Variants in ARL13B observed in about 807,000 individuals in gnomAD.
The protein encoded by ARL13B is ARF like GTPase 13B.
A neutral mutation model predicts 56.1 loss-of-function variants in ARL13B; 36 were observed. The ratio of observed to expected loss-of-function variants is 0.64; its 90% CI spans 0.49 to 0.85. ARL13B has a LOEUF of 0.85. Among genes scored for constraint, ARL13B ranks in the 40% least tolerant of loss-of-function variants. The pLI is 0.00. For synonymous variants in ARL13B, 178 were observed against 171.1 expected (o/e 1.04, Z -0.32); for missense variants, 519 against 507.1 (o/e 1.02, Z -0.23).
chr3:94,048,291 G>A (rs527731570), intron 7 of ARL13B: 2 of 152,300 alleles, frequency 1.3e-5, no homozygotes, highest in South Asian at 4.1e-4. Flanking sequence ...AGATTGCAGT[G>A]AGCCAAGATC....
At chr3:94,039,813 C>T in intron 5 of ARL13B, 67 bp from the exon 6 acceptor site, 1 of 1,308,970 alleles carries the variant, frequency 7.6e-7, no homozygotes, top group Non-Finnish European at 1.1e-6. Context: ...ATACCTATTG[C>T]AGTTTTCTTT....
At chr3:93,998,454 T>C (rs2076001932) in intron 2 of ARL13B, among the ~76,000 whole-genome samples, 1 of 152,200 alleles carries the variant, frequency 6.6e-6, no homozygotes, top group African/African-American at 2.4e-5. Flanking sequence ...TTGTCCTTCA[T>C]CCCATATTTA....
chr3:94,046,371 T>G (rs1025472266), intron 7 of ARL13B, among the ~76,000 whole-genome samples: 5 of 142,418 alleles, frequency 3.5e-5, no homozygotes, highest in Admixed American at 2.0e-4. Context: ...AAATATTCCT[T>G]TATATTTATA....
At chr3:94,036,852 T>C in intron 5 of ARL13B, 98 bp downstream of exon 5, 1 of 1,377,122 alleles carries the variant, frequency 7.3e-7, no homozygotes, top group Non-Finnish European at 1.0e-6. Flanking sequence ...GTTTCTTCTT[T>C]CTGTGTGAAG....
chr3:94,046,235 C>A (rs190642519), intron 7 of ARL13B, among the ~76,000 whole-genome samples: 40 of 151,932 alleles, frequency 2.6e-4, no homozygotes, highest in African/African-American at 9.6e-4. Flanking sequence ...AAACATTATC[C>A]CCAAAAGTTT....
chr3:94,045,050 T>C (rs961922693), intron 7 of ARL13B, among the ~76,000 whole-genome samples: 1 of 152,226 alleles, frequency 6.6e-6, no homozygotes, highest in African/African-American at 2.4e-5. Context: ...ATGGTTACTG[T>C]GTCTGTGTAG....
chr3:93,996,060 C>G, intron 2 of ARL13B, 116 bp downstream of exon 2: 1 of 1,004,426 alleles, frequency 1.0e-6, no homozygotes. Context: ...CACTGCATTA[C>G]TTTATATTCT....
intron 3 of ARL13B, among the ~76,000 whole-genome samples, chr3:94,023,866 A>C (rs2076501974): frequency 6.6e-6 from 1 of 152,114 alleles, no homozygotes; most frequent in South Asian, 2.1e-4. Flanking sequence ...TATAGGATCT[A>C]AAATAATGTT....
intron 7 of ARL13B, among the ~76,000 whole-genome samples, chr3:94,048,664 T>A (rs935977157): frequency 2.0e-5 from 3 of 151,990 alleles, no homozygotes; most frequent in Admixed American, 6.6e-5. Context: ...ACAATCACAC[T>A]CACTGCAGCC....
intron 3 of ARL13B, among the ~76,000 whole-genome samples, chr3:94,024,410 T>G (rs2076513467): frequency 6.6e-6 from 1 of 152,198 alleles, no homozygotes; most frequent in South Asian, 2.1e-4. Context: ...CCATAAAAAT[T>G]AAGTCCTATA....
intron 1 of ARL13B, among the ~76,000 whole-genome samples, chr3:93,982,457 G>C (rs1441029660): frequency 1.3e-5 from 2 of 152,042 alleles, no homozygotes; most frequent in Non-Finnish European, 2.9e-5. Context: ...TTTGAAAAAA[G>C]ATTTATTATG....
rs1336544810 is a variant in ARL13B, at chr3:94,053,426, T to C, written c.*163T>C. The C allele has an allele frequency of 1.4e-6, 1 of 735,018 alleles. No homozygotes were observed. The highest frequency in any genetic ancestry group is 1.7e-5 in the African/African-American group (1 of 57,800). The allele number at this position is 735,018 out of a possible 1,614,324, so 45.5% of individuals were successfully genotyped here. ...AAGGACCTGACTTGATAATTACTTATTTGTGTTTTTCATGGTTAAAAAAAT... is the reference window on the plus strand; with the variant it reads ...AAGGACCTGACTTGATAATTACTTACTTGTGTTTTTCATGGTTAAAAAAAT... On this transcript the variant is annotated 3_prime_UTR_variant, in exon 10 of 10. Transcript: ENST00000394222.
At chr3:93,998,000 A>G (rs1341304048) in intron 2 of ARL13B, among the ~76,000 whole-genome samples, 3 of 152,118 alleles carry the variant, frequency 2.0e-5, no homozygotes, top group African/African-American at 7.2e-5. Flanking sequence ...AAAGAAGACA[A>G]TCCGTATACA....
chr3:94,052,668 A>G (rs761568463), intron 9 of ARL13B, among the ~76,000 whole-genome samples: 1 of 152,166 alleles, frequency 6.6e-6, no homozygotes, highest in Non-Finnish European at 1.5e-5. Flanking sequence ...AAGGCTTCAT[A>G]TATGTGGTAA....
chr3:93,986,452 GA>G (rs1454292926), intron 1 of ARL13B, among the ~76,000 whole-genome samples: 1 of 151,988 alleles, frequency 6.6e-6, no homozygotes, highest in African/African-American at 2.4e-5. Context: ...GTCGTATAGT[GA>G]TTTTTTAAAA....
chr3:94,008,652 C>T (rs1386832480), intron 3 of ARL13B, among the ~76,000 whole-genome samples: 2 of 152,086 alleles, frequency 1.3e-5, no homozygotes, highest in African/African-American at 2.4e-5. Flanking sequence ...CACCCCCTCT[C>T]GCTAGTACCC....
intron 3 of ARL13B, chr3:94,014,978 T>C (rs765056059): frequency 1.2e-6 from 2 of 1,614,032 alleles, no homozygotes; most frequent in Non-Finnish European, 1.7e-6. Context: ...TGAATTTTTA[T>C]CTCCTTTGTA....
chr3:93,980,270 T>C lies in ARL13B; in HGVS notation c.-154T>C. 1.0e-6 allele frequency: 1 copy of C among 958,686 alleles called. No individual in the cohort carries two copies. The highest frequency in any genetic ancestry group is 1.6e-6 in the Non-Finnish European group (1 of 614,870). 59.4% of individuals were successfully genotyped at this position (958,686 alleles called of 1,614,324 possible). A position where few individuals can be genotyped will look rare whatever the true frequency, so the allele number is the denominator to read the frequency against. On this transcript the variant is annotated 5_prime_UTR_variant, in exon 1 of 10. Transcript: ENST00000394222. ...GACCCACGCGGTTAGCAAGGCTTAG[T>C]GCTCGGGCCGGCCGCCTTCACTTCC...
At chr3:94,032,519 C>T (rs986329075) in intron 3 of ARL13B, among the ~76,000 whole-genome samples, 3 of 151,158 alleles carry the variant, frequency 2.0e-5, no homozygotes, top group South Asian at 2.1e-4. Flanking sequence ...TCTTTTGAGA[C>T]GGAGTCTCGC....
Sources: allele counts gnomAD v4.1 joint callset (sites outside exome capture counted in the v4.1 genomes callset), GRCh38; gene constraint gnomAD v4.1.1; transcripts MANE v1.5; gene names NCBI Gene and HGNC (gene_info 2026-07-23, HGNC 2026-07-21).